The following MCC variants were observed in gnomAD, a reference collection of about 807,000 sequenced individuals.
MCC encodes the protein colorectal mutant cancer protein.
MCC carries 90 observed loss-of-function variants against 116.2 expected under a neutral mutation model. The ratio of observed to expected loss-of-function variants is 0.77; its 90% confidence interval spans 0.65 to 0.92. The LOEUF is 0.92. Ranked by LOEUF, MCC falls within the 40% of genes least tolerant of loss-of-function variation. The probability of loss-of-function intolerance (pLI) is 0.00; values close to 1 mark genes in which losing one functional copy is unlikely to be tolerated. For missense variants in MCC, 1,516 were observed against 1,312.2 expected (o/e 1.16, Z -2.40); for synonymous variants, 578 against 510.5 (o/e 1.13, Z -1.78).
chr5:113,068,194 G>C lies in MCC; in HGVS notation c.1926-11C>G, dbSNP rs1389063413. 8 of 1,605,302 alleles carry C rather than the reference G, an allele frequency of 5.0e-6. No individual in the cohort carries two copies. Among genetic ancestry groups the C allele is most frequent in the Non-Finnish European group, 6.0e-6 (7 of 1,172,312 alleles). On this transcript the variant is annotated splice_polypyrimidine_tract_variant and intron_variant, in intron 12 of 18. Coordinates refer to ENST00000408903, the MANE Select transcript of MCC (RefSeq NM_001085377.2). ...TCGATGCACTGCTCGCTGAAACAAA[G>C]CACATGGGGCCTCAGCCCTTGCAGA... is the stretch of plus-strand genomic sequence containing the variant.
intron 16 of MCC, among the ~76,000 whole-genome samples, chr5:113,045,858 T>TC (rs2150217202): frequency 6.6e-6 from 1 of 151,756 alleles, no homozygotes; most frequent in South Asian, 2.1e-4. Context: ...GCCACTGGTC[T>TC]CCCTGTTGCC....
At chr5:113,066,243 G>T (rs960716548) in intron 13 of MCC, among the ~76,000 whole-genome samples, 1 of 152,136 alleles carries the variant, frequency 6.6e-6, no homozygotes, top group Non-Finnish European at 1.5e-5. Context: ...TGTGAGGCCT[G>T]AACAGGTTAA....
chr5:113,482,320 T>C (rs1345676333), intron 1 of MCC, among the ~76,000 whole-genome samples: 1 of 152,224 alleles, frequency 6.6e-6, no homozygotes, highest in Non-Finnish European at 1.5e-5. Flanking sequence ...TGTTTATGTT[T>C]TAGAGGAATT....
chr5:113,052,263 G>A lies in MCC; in HGVS notation c.2448+1462C>T, dbSNP rs577705979. Among the ~76,000 whole-genome samples the A allele has an allele frequency of 3.3e-5, 5 of 152,314 alleles. No individual in the cohort carries two copies. The East Asian group carries it at 9.6e-4, about 29-fold the overall frequency. ...TGTTTGGAACAAATGATGGAAGGGTGGCCTCATAGCTCGTGCCACAGGCTG... is the reference window on the plus strand; with the variant it reads ...TGTTTGGAACAAATGATGGAAGGGTAGCCTCATAGCTCGTGCCACAGGCTG... On this transcript the variant is annotated intron_variant, in intron 15 of 18. Coordinates refer to ENST00000408903, the MANE Select transcript of MCC (RefSeq NM_001085377.2).
At chr5:113,360,930 C>G (rs890882683) in intron 2 of MCC, among the ~76,000 whole-genome samples, 6 of 152,204 alleles carry the variant, frequency 3.9e-5, no homozygotes, top group Non-Finnish European at 8.8e-5. Flanking sequence ...ATGTATCATA[C>G]TTACACAGGA....
At chr5:113,409,727 A>G (rs1012207517) in intron 1 of MCC, among the ~76,000 whole-genome samples, 2 of 152,192 alleles carry the variant, frequency 1.3e-5, no homozygotes, top group Non-Finnish European at 2.9e-5. Flanking sequence ...AAAGAAAAAT[A>G]AGAATCATGT....
At chr5:113,190,714 G>A (rs913878760) in intron 3 of MCC, among the ~76,000 whole-genome samples, 3 of 152,188 alleles carry the variant, frequency 2.0e-5, no homozygotes, top group East Asian at 1.9e-4. Flanking sequence ...TGAGCATGTC[G>A]AGCTGCAAAA....
chr5:113,196,602 G>C (rs1762420932), intron 3 of MCC, among the ~76,000 whole-genome samples: 1 of 152,182 alleles, frequency 6.6e-6, no homozygotes, highest in Non-Finnish European at 1.5e-5. Flanking sequence ...TATAATCCCA[G>C]CACTTTGGGA....
intron 17 of MCC, among the ~76,000 whole-genome samples, chr5:113,029,691 G>C (rs929953230): frequency 2.0e-5 from 3 of 152,174 alleles, no homozygotes; most frequent in African/African-American, 7.2e-5. Context: ...GCTAATTAGA[G>C]TCAGTTCAGG....
At position 113,101,781 on chromosome 5, in the gene MCC, G is replaced by A. The variant is rs1279863706; in HGVS notation, c.1356C>T (p.Thr452=). Residue 452 remains threonine, a synonymous_variant, in exon 8 of 19, where the codon ACC becomes ACT. Coordinates refer to ENST00000408903, the MANE Select transcript of MCC (RefSeq NM_001085377.2). Reference sequence around the variant, plus strand: ...CCCGCTCTTCCCGGATGGCATTCATGGTGGCCTTAGTCCGGTTCAGTTCTT... The same window carrying A: ...CCCGCTCTTCCCGGATGGCATTCATAGTGGCCTTAGTCCGGTTCAGTTCTT... The part of the protein sequence containing the change: ...KEEELNRTKA[T]MNAIREERDR... 1 of 1,613,420 alleles carries A rather than the reference G, an allele frequency of 6.2e-7. No individual in the cohort carries two copies. The highest frequency in any genetic ancestry group is 1.7e-5 in the Admixed American group (1 of 60,010).
intron 2 of MCC, among the ~76,000 whole-genome samples, chr5:113,371,094 G>A (rs538132643): frequency 4.9e-4 from 74 of 152,292 alleles, no homozygotes; most frequent in African/African-American, 1.7e-3. Flanking sequence ...GGTGGCGCAT[G>A]CCTGGAATCC....
At chr5:113,058,830 T>A (rs55955995) in intron 14 of MCC, among the ~76,000 whole-genome samples, 1 of 152,218 alleles carries the variant, frequency 6.6e-6, no homozygotes, top group East Asian at 1.9e-4. Flanking sequence ...GCACCTGTCC[T>A]GTGGGAGTAA....
chr5:113,071,489 T>A (rs1472220084), intron 11 of MCC, among the ~76,000 whole-genome samples: 6 of 152,146 alleles, frequency 3.9e-5, no homozygotes, highest in African/African-American at 1.4e-4. Context: ...TCCATGTCTA[T>A]CATGAGCAGG....
intron 1 of MCC, among the ~76,000 whole-genome samples, chr5:113,407,347 T>A (rs1160080898): frequency 1.3e-5 from 2 of 152,056 alleles, no homozygotes; most frequent in South Asian, 4.1e-4. Context: ...TTAGGCAGAG[T>A]GGAAAGCATT....
intron 8 of MCC, among the ~76,000 whole-genome samples, chr5:113,100,461 T>TC (rs1756327272): frequency 8.3e-6 from 1 of 120,000 alleles, no homozygotes; most frequent in Non-Finnish European, 1.7e-5. Flanking sequence ...GATGTATTTT[T>TC]CCCTTTTTTT....
intron 1 of MCC, among the ~76,000 whole-genome samples, chr5:113,461,560 T>C (rs986383210): frequency 6.6e-6 from 1 of 151,032 alleles, no homozygotes; most frequent in Non-Finnish European, 1.5e-5. Flanking sequence ...ATCCCAGGGC[T>C]TTGGGGAGGC....
chr5:113,339,669 T>C (rs1767962722), intron 3 of MCC, among the ~76,000 whole-genome samples: 1 of 152,356 alleles, frequency 6.6e-6, no homozygotes, highest in South Asian at 2.1e-4. Flanking sequence ...TTTTAATTAT[T>C]GTTGCCATAT....
At chr5:113,173,067 C>T (rs1761155348) in intron 3 of MCC, among the ~76,000 whole-genome samples, 2 of 152,168 alleles carry the variant, frequency 1.3e-5, no homozygotes, top group South Asian at 4.1e-4. Flanking sequence ...TCACCAGATA[C>T]ACTGCAAATA....
chr5:113,065,275 G>A (rs1041409984), intron 13 of MCC, among the ~76,000 whole-genome samples: 5 of 152,078 alleles, frequency 3.3e-5, no homozygotes, highest in African/African-American at 4.8e-5. Context: ...AACGGGGGAG[G>A]CCGTGCATGT....
Sources: allele counts gnomAD v4.1 joint callset (sites outside exome capture counted in the v4.1 genomes callset), GRCh38; gene constraint gnomAD v4.1.1; transcripts MANE v1.5; gene names NCBI Gene and HGNC (gene_info 2026-07-23, HGNC 2026-07-21).